Variants in PRKAR1A observed in about 807,000 individuals in gnomAD.
PRKAR1A encodes the protein cAMP-dependent protein kinase type I-alpha regulatory subunit.
A neutral mutation model predicts 52.0 loss-of-function variants in PRKAR1A; 3 were observed. The ratio of observed to expected loss-of-function variants is 0.06; its 90% CI spans 0.03 to 0.15. The LOEUF (loss-of-function observed/expected upper bound fraction) is 0.15. Among genes scored for constraint, PRKAR1A ranks in the 10% least tolerant of loss-of-function variants. The pLI is 1.00. For synonymous variants in PRKAR1A, 188 were observed against 168.4 expected (o/e 1.12, Z -0.90); for missense variants, 240 against 477.4 (o/e 0.50, Z 4.63).
intron 4 of PRKAR1A, 42 bp downstream of exon 4, chr17:68,523,858 G>A (rs2143290390): frequency 6.3e-7 from 1 of 1,599,238 alleles, no homozygotes; most frequent in Admixed American, 1.7e-5. Context: ...TCAAGTAAGG[G>A]TGTGATCCCA....
the PRKAR1A span, chr17:68,420,176 A>G: frequency 6.2e-7 from 1 of 1,612,712 alleles, no homozygotes; most frequent in Non-Finnish European, 8.5e-7. Context: ...ATTTGTTGTC[A>G]TTCCCTCTCT....
intron 2 of PRKAR1A, among the ~76,000 whole-genome samples, chr17:68,517,760 A>G (rs575356054): frequency 1.3e-5 from 2 of 152,324 alleles, no homozygotes; most frequent in African/African-American, 4.8e-5. Flanking sequence ...AAACACAGTC[A>G]TGCCTTTCCA....
At chr17:68,505,358 G>A in the PRKAR1A span, among the ~76,000 whole-genome samples, 2 of 152,198 alleles carry the variant, frequency 1.3e-5, no homozygotes, top group Non-Finnish European at 2.9e-5. Context: ...AGGGGAAGGA[G>A]AGAGGGATAA....
intron 2 of PRKAR1A, among the ~76,000 whole-genome samples, chr17:68,522,511 T>G (rs1170259797): frequency 3.9e-5 from 6 of 152,222 alleles, no homozygotes; most frequent in African/African-American, 9.7e-5. Context: ...TACTAATGGC[T>G]TGTACTAATG....
At chr17:68,448,649 G>C in the PRKAR1A span, among the ~76,000 whole-genome samples, 2 of 152,166 alleles carry the variant, frequency 1.3e-5, no homozygotes, top group Non-Finnish European at 2.9e-5. Flanking sequence ...AAATACAATA[G>C]ACGCTATTTG....
chr17:68,489,423 GTATATATATATGGAAAGTA>G, the PRKAR1A span, among the ~76,000 whole-genome samples: 643 of 80,114 alleles, frequency 8.0e-3, 98 homozygotes, highest in East Asian at 8.6e-3. Flanking sequence ...TATATGGAAA[GTATATATATATGGAAAGTA>G]TATATATATA....
chr17:68,425,510 C>T, the PRKAR1A span, among the ~76,000 whole-genome samples: 10 of 151,848 alleles, frequency 6.6e-5, no homozygotes, highest in East Asian at 1.9e-4. Context: ...TGTGAGCCAC[C>T]GCACCCGGCC....
At chr17:68,414,895 T>TA in the PRKAR1A span, among the ~76,000 whole-genome samples, 1 of 152,214 alleles carries the variant, frequency 6.6e-6, no homozygotes, top group Admixed American at 6.5e-5. Context: ...TTTTGTTTCT[T>TA]ATTGAGTTTA....
rs3730349 is a variant in PRKAR1A, at chr17:68,515,486, G to A, written c.87G>A (p.Ala29=). The stretch of plus-strand genomic sequence containing the variant: ...ACGTCCAGAAGCATAACATTCAAGC[G>A]CTGCTCAAAGATTCTATTGTGCAGT... ...ELYVQKHNIQ[A]LLKDSIVQLC... The change falls in exon 2 of 11, where the codon GCG becomes GCA. Residue 29 remains alanine, a synonymous_variant. Transcript: ENST00000589228. 0.025 allele frequency: 39,725 copies of A among 1,613,516 alleles called. 608 individuals carry two copies. Among genetic ancestry groups the A allele is most frequent in the Non-Finnish European group, 0.029 (34,492 of 1,180,016 alleles).
the PRKAR1A span, chr17:68,457,307 C>T: frequency 1.3e-6 from 2 of 1,538,712 alleles, no homozygotes; most frequent in East Asian, 5.2e-5. Context: ...CACTCTGTCC[C>T]CCACCTCCCT....
rs547298581 is a variant in PRKAR1A, at chr17:68,521,874, TTTAC to T, written c.178-879_178-876del. 6.8e-4 allele frequency among the ~76,000 whole-genome samples: 104 copies of T among 152,316 alleles called. 1 individual carries two copies. The highest frequency in any genetic ancestry group is 2.3e-3 in the East Asian group (12 of 5,186). On this transcript the variant is annotated intron_variant, in intron 2 of 10. Transcript: ENST00000589228. ...GATAACACATTTTTATTTTTTCCCT[TTTAC>T]TTCAGGCACAACAACTAATTCTTTA...
chr17:68,469,233 C>A, the PRKAR1A span, among the ~76,000 whole-genome samples: 1 of 150,714 alleles, frequency 6.6e-6, no homozygotes, highest in African/African-American at 2.4e-5. Context: ...TTTTTTTTTT[C>A]TCTCCTGTTC....
At chr17:68,547,920 T>A (rs1222754578) in intron 11 of PRKAR1A, among the ~76,000 whole-genome samples, 3 of 152,234 alleles carry the variant, frequency 2.0e-5, no homozygotes, top group Admixed American at 2.0e-4. Context: ...ACTAGCCTCC[T>A]GAATAATTTC....
intron 2 of PRKAR1A, among the ~76,000 whole-genome samples, chr17:68,519,545 T>C (rs1358048823): frequency 6.6e-6 from 1 of 152,194 alleles, no homozygotes; most frequent in South Asian, 2.1e-4. Flanking sequence ...GGAACTATAA[T>C]TCAAGATGAG....
At position 68,551,081 on chromosome 17, in the gene PRKAR1A, C is replaced by T. The variant is rs942410923; in HGVS notation, c.974-3C>T. 8.1e-6 allele frequency: 10 copies of T among 1,234,188 alleles called. No individual in the cohort carries two copies. The African/African-American group carries it at 1.6e-4, about 19-fold the overall frequency. The allele number at this position is 1,234,188 out of a possible 1,614,324, so 76.5% of individuals were successfully genotyped here. A position where few individuals can be genotyped will look rare whatever the true frequency, so the allele number is the denominator to read the frequency against. ...CCTCTTGGGGCGATTTTCTTTTCTG[C>T]AGGTCACCTCATCATCTCAAGGAGG... On this transcript the variant is annotated splice_region_variant and splice_polypyrimidine_tract_variant and intron_variant, in intron 11 of 11. Coordinates refer to the PRKAR1A transcript ENST00000585981.
At chr17:68,446,693 A>G in the PRKAR1A span, among the ~76,000 whole-genome samples, 1 of 152,192 alleles carries the variant, frequency 6.6e-6, no homozygotes, top group Non-Finnish European at 1.5e-5. Context: ...GGTTTCTGAT[A>G]TCCTCTTGTG....
At chr17:68,519,074 A>G (rs1246548033) in intron 2 of PRKAR1A, among the ~76,000 whole-genome samples, 1 of 152,164 alleles carries the variant, frequency 6.6e-6, no homozygotes, top group African/African-American at 2.4e-5. Flanking sequence ...AGAAATCTCT[A>G]GGAAGTTCCA....
downstream of PRKAR1A, among the ~76,000 whole-genome samples, chr17:68,538,350 G>A (rs1223518951): frequency 6.6e-6 from 1 of 152,246 alleles, no homozygotes; most frequent in African/African-American, 2.4e-5. Context: ...GGCAGGGAAG[G>A]GAGGCCAGAG....
the PRKAR1A span, chr17:68,444,499 G>T: frequency 6.2e-7 from 1 of 1,613,030 alleles, no homozygotes; most frequent in South Asian, 1.1e-5. Context: ...TCACCTGTTG[G>T]GTTTGCAGGA....
Sources: gnomAD v4.1 joint callset for allele counts (sites outside exome capture counted in the v4.1 genomes callset) on GRCh38, gnomAD v4.1.1 for gene constraint, MANE v1.5 for transcripts, NCBI Gene and HGNC (gene_info 2026-07-23, HGNC 2026-07-21) for gene names.